Variants in TATDN1 observed in about 807,000 individuals in gnomAD.
TATDN1 encodes deoxyribonuclease TATDN1.
TATDN1 carries 40 observed loss-of-function variants against 46.4 expected under a neutral mutation model. The ratio of observed to expected loss-of-function variants is 0.86; its 90% CI spans 0.67 to 1.12. The LOEUF (loss-of-function observed/expected upper bound fraction) is 1.12, where lower values mean the gene tolerates loss of function less well. TATDN1 is among the 50% of genes most tolerant of loss of function. TATDN1 has a pLI of 0.00. For synonymous variants in TATDN1, 95 were observed against 105.6 expected (o/e 0.90, Z 0.62); for missense variants, 326 against 348.4 (o/e 0.94, Z 0.51).
chr8:124,518,799 A>G lies in TATDN1; in HGVS notation c.202+19T>C. 11 of 1,585,732 alleles carry G rather than the reference A, an allele frequency of 6.9e-6. No homozygotes were observed. The highest frequency in any genetic ancestry group is 8.6e-6 in the Non-Finnish European group (10 of 1,159,320). The stretch of plus-strand genomic sequence containing the variant: ...TTACTTAATTCATTTTTTTTTTGGT[A>G]AAAGAAATATGAGGATACCATTTGT... On this transcript the variant is annotated intron_variant, in intron 4 of 11. Coordinates refer to ENST00000276692, the MANE Select transcript of TATDN1 (RefSeq NM_032026.4).
intron 4 of TATDN1, among the ~76,000 whole-genome samples, chr8:124,518,018 T>C (rs147192994): frequency 0.025 from 3,688 of 149,006 alleles, 55 homozygotes; most frequent in Non-Finnish European, 0.038. Flanking sequence ...AAGACCCATC[T>C]TGGCTAACAC....
At chr8:124,538,982 A>C (rs781120459) in intron 1 of TATDN1, 43 bp downstream of exon 1, 3 of 1,613,512 alleles carry the variant, frequency 1.9e-6, no homozygotes, top group Non-Finnish European at 2.5e-6. Flanking sequence ...GACGCCCGGG[A>C]CAAGTCAGAA....
intron 11 of TATDN1, chr8:124,491,761 T>C (rs2131333140): frequency 6.6e-6 from 1 of 152,328 alleles, no homozygotes; most frequent in Admixed American, 6.5e-5. Context: ...AAAAGACCTC[T>C]ATAAAAATAA....
chr8:124,490,418 G>A (rs1586540372), intron 11 of TATDN1: 1 of 152,302 alleles, frequency 6.6e-6, no homozygotes, highest in African/African-American at 2.4e-5. Flanking sequence ...GCTGAGGCAG[G>A]AGAATTGCTT....
intron 3 of TATDN1, 30 bp downstream of exon 3, chr8:124,522,121 A>G: frequency 6.6e-7 from 1 of 1,525,938 alleles, no homozygotes; most frequent in Non-Finnish European, 9.0e-7. Context: ...TGAATTTTAA[A>G]AATCTCAAAA....
intron 8 of TATDN1, among the ~76,000 whole-genome samples, chr8:124,505,815 C>T (rs1818359952): frequency 6.6e-6 from 1 of 151,920 alleles, no homozygotes; most frequent in Non-Finnish European, 1.5e-5. Flanking sequence ...GCCTGCATTA[C>T]ACAGCTGCCT....
At position 124,518,838 on chromosome 8, in the gene TATDN1, A is replaced by AGT; in HGVS notation, c.180_181dup (p.Leu61HisfsTer34). 6.2e-7 allele frequency: 1 copy of AGT among 1,611,774 alleles called. No individual in the cohort carries two copies. The highest frequency in any genetic ancestry group is 1.1e-5 in the South Asian group (1 of 90,840). ...GATACCATTTGTTTGTGCCAAATGC[A>AGT]GTGCATCTTTACTGTCTTGTAGATT... On this transcript the variant is annotated frameshift_variant, in exon 4 of 12. Coordinates refer to ENST00000276692, the MANE Select transcript of TATDN1 (RefSeq NM_032026.4). LOFTEE classifies it high-confidence loss of function.
chr8:124,516,088 A>G, intron 4 of TATDN1, 58 bp from the exon 5 acceptor site: 1 of 1,403,240 alleles, frequency 7.1e-7, no homozygotes, highest in South Asian at 1.5e-5. Flanking sequence ...ATTTATATTT[A>G]TTATGATATT....
At chr8:124,518,380 C>G (rs1039643595) in intron 4 of TATDN1, among the ~76,000 whole-genome samples, 163 of 147,232 alleles carry the variant, frequency 1.1e-3, no homozygotes, top group Admixed American at 3.4e-3. Context: ...AAAAATTAGC[C>G]TGGCGTGGTG....
rs113593069 is a variant in TATDN1 at position 124,518,296 on chromosome 8, G to A, written c.202+522C>T. ...TCCCAGCACTTTGGGAGGCTGAGGC[G>A]GGTGGATCACGAGGTCAGGAGATCG... On this transcript the variant is annotated intron_variant, in intron 4 of 11. Coordinates refer to ENST00000276692, the MANE Select transcript of TATDN1 (RefSeq NM_032026.4). Among the ~76,000 whole-genome samples the A allele has an allele frequency of 4.7e-3, 697 of 149,738 alleles. 6 individuals are homozygous for A. Among genetic ancestry groups the A allele is most frequent in the African/African-American group, 0.016 (667 of 40,638 alleles).
intron 11 of TATDN1, 75 bp from the exon 12 acceptor site, chr8:124,488,771 C>A: frequency 1.1e-6 from 1 of 894,034 alleles, no homozygotes; most frequent in South Asian, 1.5e-5. Flanking sequence ...AATATTTTTC[C>A]ACACAAAGGA....
At chr8:124,533,092 A>C (rs1340702835) in intron 1 of TATDN1, among the ~76,000 whole-genome samples, 2 of 152,138 alleles carry the variant, frequency 1.3e-5, no homozygotes. Context: ...CTCTACTAAA[A>C]ATACAAAACA....
rs1414459994 is a variant in TATDN1 at position 124,508,478 on chromosome 8, C to G, written c.512G>C (p.Gly171Ala). ...MKRNRDRCVGGVVHSFDGTKE... is the reference protein window; with the variant it reads ...MKRNRDRCVGAVVHSFDGTKE... The stretch of plus-strand genomic sequence containing the variant: ...AAATGACTATTTTATACTTACCACT[C>G]CCCCTACACACCGATCTCTATTTCT... The change falls in exon 8 of 12, where the codon GGA becomes GCA. Residue 171 changes from glycine to alanine, a missense_variant. Coordinates refer to ENST00000276692, the MANE Select transcript of TATDN1 (RefSeq NM_032026.4). 3.1e-6 allele frequency: 5 copies of G among 1,612,404 alleles called. No homozygotes were observed. The highest frequency in any genetic ancestry group is 4.2e-6 in the Non-Finnish European group (5 of 1,179,062).
rs571764195 is a variant in TATDN1 at position 124,506,351 on chromosome 8, A to G, written c.517-2004T>C. Among the ~76,000 whole-genome samples the G allele has an allele frequency of 8.7e-5, 13 of 149,086 alleles. No homozygotes were observed. In the South Asian group the frequency reaches 1.0e-3, roughly 12 times the overall value. ...CTCTGTCTCAAAAAAAAAAAAAAAA[A>G]AAAAAGAAAAAGAAAAAAAGAAAAG... On this transcript the variant is annotated intron_variant, in intron 8 of 11. Coordinates refer to ENST00000276692, the MANE Select transcript of TATDN1 (RefSeq NM_032026.4).
chr8:124,528,314 C>T (rs1381240191), intron 1 of TATDN1, among the ~76,000 whole-genome samples: 1 of 152,164 alleles, frequency 6.6e-6, no homozygotes, highest in African/African-American at 2.4e-5. Context: ...GCTGAGACTA[C>T]AGGCGCCTGC....
Sources: allele counts gnomAD v4.1 joint callset (sites outside exome capture counted in the v4.1 genomes callset), GRCh38; gene constraint gnomAD v4.1.1; transcripts MANE v1.5; gene names NCBI Gene and HGNC (gene_info 2026-07-23, HGNC 2026-07-21).